Variants in MTMR9 observed in about 807,000 individuals in gnomAD.
MTMR9 encodes the protein myotubularin-related protein 9.
Under a neutral mutation model 69.5 loss-of-function variants are expected in MTMR9, and 39 were observed. The ratio of observed to expected loss-of-function variants is 0.56; its 90% confidence interval spans 0.43 to 0.73. MTMR9 has a LOEUF of 0.73. MTMR9 is among the 30% of genes least tolerant of loss of function. MTMR9 has a pLI of 0.00. For missense variants in MTMR9, 900 were observed against 671.2 expected (o/e 1.34, Z -3.77); for synonymous variants, 354 against 240.8 (o/e 1.47, Z -4.35).
At chr8:11,329,196 CCAG>C (rs1789467760), downstream of MTMR9, among the ~76,000 whole-genome samples, 1 of 152,154 alleles carries the variant, frequency 6.6e-6, no homozygotes, top group African/African-American at 2.4e-5. Flanking sequence ...GAGTTCGAGA[CCAG>C]CATGGGAAAC....
intron 2 of MTMR9, 38 bp from the exon 3 acceptor site, chr8:11,299,985 A>C: frequency 6.3e-7 from 1 of 1,597,044 alleles, no homozygotes; most frequent in African/African-American, 1.4e-5. Flanking sequence ...CCAGTTGTGG[A>C]TGTTTCTTTT....
chr8:11,299,376 C>A (rs1347732006), intron 2 of MTMR9, among the ~76,000 whole-genome samples: 1 of 152,168 alleles, frequency 6.6e-6, no homozygotes, highest in Non-Finnish European at 1.5e-5. Flanking sequence ...AGACACTGTT[C>A]TAAGCCTTTT....
downstream of MTMR9, chr8:11,332,177 G>T: frequency 6.4e-7 from 1 of 1,565,876 alleles, no homozygotes; most frequent in Non-Finnish European, 8.6e-7. Flanking sequence ...TAAAGACAAA[G>T]ACTGAAGACA....
intron 1 of MTMR9, among the ~76,000 whole-genome samples, chr8:11,290,458 T>A (rs1025574441): frequency 6.6e-6 from 1 of 152,176 alleles, no homozygotes; most frequent in Non-Finnish European, 1.5e-5. Flanking sequence ...ATCTTTACTT[T>A]TAATGCAGAA....
intron 2 of MTMR9, among the ~76,000 whole-genome samples, chr8:11,295,939 A>G (rs932498658): frequency 5.9e-5 from 9 of 152,174 alleles, no homozygotes; most frequent in African/African-American, 2.2e-4. Context: ...GCAAACCACT[A>G]GTGAGTTAAC....
At chr8:11,320,679 G>C (rs966819931) in intron 9 of MTMR9, 1 of 152,202 alleles carries the variant, frequency 6.6e-6, no homozygotes, top group African/African-American at 2.4e-5. Flanking sequence ...GTTGCAGTGA[G>C]CAGAGATGAT....
downstream of MTMR9, among the ~76,000 whole-genome samples, chr8:11,329,761 C>T (rs1384909268): frequency 6.6e-6 from 1 of 152,214 alleles, no homozygotes; most frequent in East Asian, 1.9e-4. Context: ...AGGAGCGTCT[C>T]CGCCTGGCCA....
the MTMR9 span, among the ~76,000 whole-genome samples, chr8:11,334,021 C>A: frequency 2.6e-5 from 4 of 152,172 alleles, no homozygotes; most frequent in African/African-American, 9.7e-5. Flanking sequence ...AATTCAGCCC[C>A]GGTCCTTTTC....
intron 5 of MTMR9, 138 bp from the exon 6 acceptor site, chr8:11,309,389 A>G: frequency 1.4e-6 from 1 of 726,926 alleles, no homozygotes; most frequent in Non-Finnish European, 2.2e-6. Flanking sequence ...TAATCCTCAA[A>G]TTATAGCAGG....
downstream of MTMR9, among the ~76,000 whole-genome samples, chr8:11,329,152 G>C (rs1801082357): frequency 6.6e-6 from 1 of 152,194 alleles, no homozygotes; most frequent in Admixed American, 6.5e-5. Context: ...GTTAATCACT[G>C]GAAGGCTGAG....
chr8:11,331,155 T>C (rs773816209), downstream of MTMR9: 30 of 1,611,688 alleles, frequency 1.9e-5, no homozygotes, highest in Non-Finnish European at 2.4e-5. Flanking sequence ...CACACACCCA[T>C]CGCCGCCCTC....
intron 5 of MTMR9, among the ~76,000 whole-genome samples, chr8:11,307,619 C>T (rs891374983): frequency 2.0e-5 from 3 of 152,202 alleles, no homozygotes; most frequent in African/African-American, 7.2e-5. Flanking sequence ...TGAGGAGCCT[C>T]CATACTGTTT....
At chr8:11,287,367 T>G (rs763534703) in intron 1 of MTMR9, among the ~76,000 whole-genome samples, 13 of 152,282 alleles carry the variant, frequency 8.5e-5, no homozygotes, top group South Asian at 8.3e-4. Context: ...GGTGCTGGGC[T>G]TTGTAGTACA....
At chr8:11,310,410 T>A (rs1477708317) in intron 6 of MTMR9, among the ~76,000 whole-genome samples, 1 of 152,170 alleles carries the variant, frequency 6.6e-6, no homozygotes, top group South Asian at 2.1e-4. Context: ...AGATGGCACT[T>A]TTCTTTGAGA....
intron 2 of MTMR9, chr8:11,298,724 C>G (rs541062549): frequency 3.1e-5 from 28 of 895,254 alleles, no homozygotes; most frequent in South Asian, 5.3e-5. Context: ...CGCTGCACCC[C>G]CCCCCCGCCA....
At chr8:11,334,383 G>A in the MTMR9 span, among the ~76,000 whole-genome samples, 1 of 152,158 alleles carries the variant, frequency 6.6e-6, no homozygotes, top group Non-Finnish European at 1.5e-5. Context: ...AAGGGCGTGG[G>A]ACAGAGCTGT....
Position 11,304,770 on chromosome 8 carries a change from T to G in MTMR9, c.418-71T>G, listed in dbSNP as rs1243801041. Reference sequence around the variant, plus strand: ...CAGTGAAAGTTGACCTCTAAGGTCTTTTAAAATTTCTCAGATTATTTTGCG... The same window carrying G: ...CAGTGAAAGTTGACCTCTAAGGTCTGTTAAAATTTCTCAGATTATTTTGCG... On this transcript the variant is annotated intron_variant, in intron 3 of 9. Coordinates refer to ENST00000221086, the MANE Select transcript of MTMR9 (RefSeq NM_015458.4). 3.3e-6 allele frequency: 5 copies of G among 1,514,022 alleles called. No homozygotes were observed. The East Asian group carries it at 6.8e-5, about 21-fold the overall frequency. The allele number at this position is 1,514,022 out of a possible 1,614,324, so 93.8% of individuals were successfully genotyped here. A position where few individuals can be genotyped will look rare whatever the true frequency, so the allele number is the denominator to read the frequency against.
chr8:11,295,247 T>C lies in MTMR9; in HGVS notation c.236T>C (p.Ile79Thr), dbSNP rs765587172. The C allele has an allele frequency of 1.1e-5, 17 of 1,612,116 alleles. No homozygotes were observed. The Admixed American group carries it at 1.2e-4, about 11-fold the overall frequency. Residue 79 changes from isoleucine to threonine, a missense_variant, in exon 2 of 10, where the codon ATT becomes ACT. Coordinates refer to ENST00000221086, the MANE Select transcript of MTMR9 (RefSeq NM_015458.4). ...ATAAAATGTAAAGATTTTCGAATTA[T>C]TCAGTTGGATATTCCTGGAATGGAG... ...IIIKCKDFRI[I>T]QLDIPGMEEC...
chr8:11,306,374 C>G lies in MTMR9; in HGVS notation c.776C>G (p.Pro259Arg), dbSNP rs752279678. 11 of 1,614,024 alleles carry G rather than the reference C, an allele frequency of 6.8e-6. No homozygotes were observed. The highest frequency in any genetic ancestry group is 9.3e-6 in the Non-Finnish European group (11 of 1,179,952). ...GGGFEQEAHY[P>R]QWRRIHKSIE... ...GGCTTTGAACAAGAAGCTCATTATC[C>G]TCAGTGGAGGCGAATTCATAAGTCC... Residue 259 changes from proline (P) to arginine (R), a missense_variant, in exon 5 of 10, where the codon CCT becomes CGT. Transcript: ENST00000221086.
Sources: gnomAD v4.1 joint callset for allele counts (sites outside exome capture counted in the v4.1 genomes callset) on GRCh38, gnomAD v4.1.1 for gene constraint, MANE v1.5 for transcripts, NCBI Gene and HGNC (gene_info 2026-07-23, HGNC 2026-07-21) for gene names.